RYR2: variants seen among roughly 807,000 people sequenced by gnomAD.
The protein encoded by RYR2 is ryanodine receptor 2, also known as cardiac muscle ryanodine receptor-calcium release channel.
Under a neutral mutation model 601.1 loss-of-function variants are expected in RYR2, and 227 were observed. The observed-to-expected ratio is 0.38, with a 90% CI of 0.34 to 0.42. The LOEUF is 0.42. RYR2 is among the 10% of genes least tolerant of loss of function. The pLI, the probability that RYR2 is intolerant of heterozygous loss-of-function variation, is 1.00. For missense variants in RYR2, 4,646 were observed against 6,156.5 expected (o/e 0.75, Z 8.21); for synonymous variants, 2,223 against 2,175.1 (o/e 1.02, Z -0.61).
At chr1:237,459,892 A>T (rs1659277611) in intron 16 of RYR2, among the ~76,000 whole-genome samples, 1 of 152,200 alleles carries the variant, frequency 6.6e-6, no homozygotes, top group Non-Finnish European at 1.5e-5. Flanking sequence ...TACCTATTTA[A>T]ATAGAACGAG....
intron 79 of RYR2, among the ~76,000 whole-genome samples, chr1:237,738,787 C>T (rs923714661): frequency 2.6e-5 from 4 of 151,940 alleles, no homozygotes; most frequent in Non-Finnish European, 5.9e-5. Context: ...TGTGTTTTTG[C>T]TAATGTGAAC....
At chr1:237,289,800 C>T (rs189120699) in intron 2 of RYR2, among the ~76,000 whole-genome samples, 35 of 152,226 alleles carry the variant, frequency 2.3e-4, no homozygotes, top group African/African-American at 7.7e-4. Context: ...TCATTAAAAT[C>T]GATAAATAAT....
intron 1 of RYR2, among the ~76,000 whole-genome samples, chr1:237,262,882 A>G (rs1688679254): frequency 6.6e-6 from 1 of 152,172 alleles, no homozygotes; most frequent in African/African-American, 2.4e-5. Context: ...TTTAGGGAAA[A>G]TACTTGGCAT....
chr1:237,246,836 A>G (rs1048739485), intron 1 of RYR2, among the ~76,000 whole-genome samples: 12 of 151,926 alleles, frequency 7.9e-5, no homozygotes, highest in African/African-American at 2.9e-4. Context: ...TTATTTTTGG[A>G]TGATTTGATT....
chr1:237,795,854 ATG>A (rs1167847347), intron 96 of RYR2, among the ~76,000 whole-genome samples: 68 of 125,102 alleles, frequency 5.4e-4, no homozygotes, highest in East Asian at 3.9e-3. Flanking sequence ...ATATATGTAT[ATG>A]TATATATATA....
chr1:237,590,896 T>C lies in RYR2; in HGVS notation c.4064T>C (p.Val1355Ala). The change falls in exon 31 of 105, where the codon GTG (valine) becomes GCG (alanine). Residue 1355 changes from valine to alanine, a missense_variant. By Grantham distance (64) the Val-to-Ala change is moderately conservative (BLOSUM62 0). Coordinates refer to ENST00000366574, the MANE Select transcript of RYR2 (RefSeq NM_001035.3). ...VLMKTAHGHL[V>A]PDRVDKDKEA... is the part of the protein sequence containing the mutation. Reference sequence around the variant, plus strand: ...ATGAAGACAGCTCATGGCCATCTAGTGCCCGATCGTGTTGACAAAGACAAA... The same window carrying C: ...ATGAAGACAGCTCATGGCCATCTAGCGCCCGATCGTGTTGACAAAGACAAA... 1 of 1,613,872 alleles carries C rather than the reference T, an allele frequency of 6.2e-7. No homozygotes were observed. The highest frequency in any genetic ancestry group is 8.5e-7 in the Non-Finnish European group (1 of 1,179,854).
chr1:237,829,947 C>G (rs1663586755), intron 102 of RYR2: 1 of 152,530 alleles, frequency 6.6e-6, no homozygotes, highest in South Asian at 2.1e-4. Context: ...GACCAGGAAT[C>G]TGGTCCCTAG....
In RYR2 at chr1:237,614,009, A is replaced by G. The variant is rs1334683231; in HGVS notation, c.4911-30A>G. The G allele has an allele frequency of 2.5e-6, 4 of 1,576,758 alleles. No individual in the cohort carries two copies. The highest frequency in any genetic ancestry group is 1.4e-5 in the African/African-American group (1 of 73,836). On this transcript the variant is annotated intron_variant, in intron 36 of 104. Transcript: ENST00000366574. This position sits in a 1 kb window ranked among gnomAD's most constrained non-coding sequence, Gnocchi z 4.3. ...GATTTTAAAAAATCATTCATTTCTA[A>G]TCTTACTACCACTCTCCTCCCTTCT...
intron 28 of RYR2, among the ~76,000 whole-genome samples, chr1:237,567,515 G>A (rs1466826626): frequency 6.6e-6 from 1 of 151,660 alleles, no homozygotes. Context: ...GCTTGAGCTC[G>A]GGAGGTCGAG....
chr1:237,103,612 A>AG, intron 1 of RYR2, among the ~76,000 whole-genome samples: 1 of 152,318 alleles, frequency 6.6e-6, no homozygotes, highest in Admixed American at 6.5e-5. Context: ...CTTGTTGCCC[A>AG]GGCTGGAGTG....
At chr1:237,527,817 G>A (rs968534802) in intron 24 of RYR2, among the ~76,000 whole-genome samples, 1 of 152,142 alleles carries the variant, frequency 6.6e-6, no homozygotes, top group African/African-American at 2.4e-5. Flanking sequence ...AACATGTGCA[G>A]TAGTACTCCT....
intron 1 of RYR2, among the ~76,000 whole-genome samples, chr1:237,193,932 T>C (rs545355823): frequency 2.0e-5 from 3 of 152,228 alleles, no homozygotes; most frequent in Non-Finnish European, 2.9e-5. Context: ...GCCTTTCTCT[T>C]GCGTCAAACA....
chr1:237,574,038 G>C (rs1672980712), intron 29 of RYR2, among the ~76,000 whole-genome samples: 1 of 152,132 alleles, frequency 6.6e-6, no homozygotes, highest in Non-Finnish European at 1.5e-5. Flanking sequence ...TGTTGAACTA[G>C]AGTGAAATTC....
chr1:237,135,124 C>CT (rs1186890818), intron 1 of RYR2, among the ~76,000 whole-genome samples: 1 of 152,188 alleles, frequency 6.6e-6, no homozygotes, highest in African/African-American at 2.4e-5. Context: ...CGCATGCTTT[C>CT]AATGCCTTAT....
intron 1 of RYR2, among the ~76,000 whole-genome samples, chr1:237,175,452 A>G (rs1010579376): frequency 8.6e-5 from 13 of 152,038 alleles, no homozygotes; most frequent in Non-Finnish European, 1.6e-4. Flanking sequence ...AGTTATGCCC[A>G]TTATCCATAA....
intron 1 of RYR2, among the ~76,000 whole-genome samples, chr1:237,259,104 C>T (rs1274218080): frequency 6.6e-6 from 1 of 151,982 alleles, no homozygotes; most frequent in Non-Finnish European, 1.5e-5. Context: ...TAATACTGGC[C>T]TCACAGGCCA....
At chr1:237,655,278 A>G (rs1025381211) in intron 52 of RYR2, among the ~76,000 whole-genome samples, 9 of 152,204 alleles carry the variant, frequency 5.9e-5, no homozygotes, top group African/African-American at 2.2e-4. Context: ...TATAAATTTA[A>G]CTGTCATTAA....
At chr1:237,669,148 C>A (rs1573435053) in intron 58 of RYR2, among the ~76,000 whole-genome samples, 1 of 139,576 alleles carries the variant, frequency 7.2e-6, no homozygotes, top group South Asian at 2.5e-4. Flanking sequence ...ATCCATTTAA[C>A]CCTGAGTGGA....
chr1:237,044,998 G>A (rs1470020000), intron 1 of RYR2, among the ~76,000 whole-genome samples: 1 of 149,698 alleles, frequency 6.7e-6, no homozygotes, highest in Non-Finnish European at 1.5e-5. Context: ...GGAGTATTAG[G>A]AATCTGTACA....
Sources: allele counts gnomAD v4.1 joint callset (sites outside exome capture counted in the v4.1 genomes callset), GRCh38; gene constraint gnomAD v4.1.1; non-coding constraint Gnocchi (gnomAD v3.1); transcripts MANE v1.5; gene names NCBI Gene and HGNC (gene_info 2026-07-23, HGNC 2026-07-21).